Variants in FBXO15 observed in about 807,000 individuals in gnomAD.
FBXO15 encodes the protein F-box protein 15.
In FBXO15, 30 loss-of-function variants were observed where a neutral mutation model predicts 49.5. That is an observed-to-expected ratio of 0.61 (90% CI 0.45 to 0.82). FBXO15 has a LOEUF of 0.82. FBXO15 is among the 40% of genes least tolerant of loss of function. The pLI is 0.00. For missense variants in FBXO15, 591 were observed against 631.5 expected (o/e 0.94, Z 0.69); for synonymous variants, 250 against 232.7 (o/e 1.07, Z -0.68).
intron 8 of FBXO15, 62 bp from the exon 9 acceptor site, chr18:74,082,113 G>T (rs763579136): frequency 1.3e-6 from 2 of 1,573,926 alleles, no homozygotes; most frequent in Non-Finnish European, 1.7e-6. Flanking sequence ...AACCAAGCAC[G>T]TTCAGTCGGC....
intron 8 of FBXO15, among the ~76,000 whole-genome samples, chr18:74,101,273 G>T (rs972828043): frequency 9.9e-5 from 15 of 152,092 alleles, no homozygotes; most frequent in African/African-American, 3.4e-4. Context: ...CAATAAATGT[G>T]ATACACCACA....
rs750967947 is a variant in FBXO15 at position 74,130,424 on chromosome 18, C to A, written c.567G>T (p.Glu189Asp). ...PYTGLPVKTK[E>D]ALRIFGLGWA... ...TGGAACACACTGCGTACCTGAGGGC[C>A]TCTTTGGTCTTAACTGGAAGGCCTG... Residue 189 changes from glutamate to aspartate, a missense_variant, in exon 4 of 10, where the codon GAG becomes GAT. Physicochemically the swap from Glu to Asp is conservative, Grantham distance 45 (BLOSUM62 2). Coordinates refer to ENST00000419743, the MANE Select transcript of FBXO15 (RefSeq NM_001142958.2). 75 of 1,613,970 alleles carry A rather than the reference C, an allele frequency of 4.6e-5. 2 individuals are homozygous for A. In the South Asian group the frequency reaches 7.2e-4, roughly 16 times the overall value.
At chr18:74,084,151 C>A (rs1318567535) in intron 8 of FBXO15, among the ~76,000 whole-genome samples, 1 of 152,180 alleles carries the variant, frequency 6.6e-6, no homozygotes, top group Non-Finnish European at 1.5e-5. Flanking sequence ...GATTCAGATT[C>A]TCATGTTTGT....
rs956246117 is a variant in FBXO15, at chr18:74,135,616, T to C, written c.332+146A>G. ...TAAATGCAAATATTTGAAAATTTCA[T>C]AGTTAAAGCATTTGACATTTCCACT... On this transcript the variant is annotated intron_variant, in intron 3 of 9. Coordinates refer to ENST00000419743, the MANE Select transcript of FBXO15 (RefSeq NM_001142958.2). 7.9e-6 allele frequency: 5 copies of C among 634,410 alleles called. No homozygotes were observed. In the Admixed American group the frequency reaches 1.0e-4, roughly 13 times the overall value. The allele number at this position is 634,410 out of a possible 1,614,324, so 39.3% of individuals were successfully genotyped here.
chr18:74,125,859 G>T, intron 6 of FBXO15, 116 bp downstream of exon 6: 2 of 1,375,666 alleles, frequency 1.5e-6, no homozygotes, highest in East Asian at 2.4e-5. Flanking sequence ...TGGTAAAATG[G>T]ATTGCAGTTA....
intron 8 of FBXO15, among the ~76,000 whole-genome samples, chr18:74,109,779 C>T (rs139113765): frequency 6.0e-4 from 90 of 150,920 alleles, no homozygotes; most frequent in African/African-American, 2.1e-3. Context: ...AGTTGAACAA[C>T]GAGAACACAT....
At chr18:74,111,686 T>A (rs188697723) in intron 8 of FBXO15, among the ~76,000 whole-genome samples, 3 of 151,762 alleles carry the variant, frequency 2.0e-5, no homozygotes, top group Admixed American at 6.6e-5. Flanking sequence ...ATAATAAAAA[T>A]TAAAGCAATA....
intron 5 of FBXO15, among the ~76,000 whole-genome samples, chr18:74,127,347 C>T (rs1437382649): frequency 1.3e-5 from 2 of 152,212 alleles, no homozygotes; most frequent in East Asian, 1.9e-4. Flanking sequence ...GCTGACGTTT[C>T]CCCAGCAGTT....
chr18:74,079,131 A>T (rs2145100050), intron 9 of FBXO15, among the ~76,000 whole-genome samples: 1 of 152,360 alleles, frequency 6.6e-6, no homozygotes, highest in Non-Finnish European at 1.5e-5. Context: ...AAGTAACATT[A>T]AAATAACATC....
chr18:74,086,199 T>A (rs1410231977), intron 8 of FBXO15, among the ~76,000 whole-genome samples: 1 of 152,010 alleles, frequency 6.6e-6, no homozygotes, highest in East Asian at 1.9e-4. Context: ...GAACGAAAAG[T>A]CACCTATTTT....
chr18:74,102,457 G>T (rs959269721), intron 8 of FBXO15, among the ~76,000 whole-genome samples: 1 of 152,058 alleles, frequency 6.6e-6, no homozygotes, highest in East Asian at 1.9e-4. Context: ...AAACATAACA[G>T]ATGCTGGCAT....
intron 8 of FBXO15, among the ~76,000 whole-genome samples, chr18:74,088,265 G>A (rs111880439): frequency 0.039 from 6,002 of 152,212 alleles, 389 homozygotes; most frequent in African/African-American, 0.13. Flanking sequence ...TCTTCATCAT[G>A]AAATCTTTGC....
intron 8 of FBXO15, among the ~76,000 whole-genome samples, chr18:74,101,089 A>G (rs1913496710): frequency 6.6e-6 from 1 of 152,098 alleles, no homozygotes; most frequent in African/African-American, 2.4e-5. Context: ...TAAAACCAGG[A>G]TAGGACATAA....
chr18:74,113,701 T>C (rs1914122739), intron 8 of FBXO15, among the ~76,000 whole-genome samples: 1 of 152,250 alleles, frequency 6.6e-6, no homozygotes, highest in African/African-American at 2.4e-5. Flanking sequence ...CTCTCAATAC[T>C]GATAAAAATA....
intron 9 of FBXO15, among the ~76,000 whole-genome samples, chr18:74,080,904 T>C (rs1912464951): frequency 6.6e-6 from 1 of 152,242 alleles, no homozygotes; most frequent in South Asian, 2.1e-4. Context: ...CACATTCACA[T>C]TCTGCCTTTC....
At chr18:74,106,484 C>T (rs554263571) in intron 8 of FBXO15, among the ~76,000 whole-genome samples, 209 of 152,066 alleles carry the variant, frequency 1.4e-3, no homozygotes, top group African/African-American at 4.9e-3. Flanking sequence ...TGATAATGAA[C>T]AACAATAACA....
At chr18:74,131,917 C>T (rs1444151385) in intron 3 of FBXO15, among the ~76,000 whole-genome samples, 3 of 152,118 alleles carry the variant, frequency 2.0e-5, no homozygotes, top group African/African-American at 7.2e-5. Flanking sequence ...ATTTCCTTAA[C>T]CACAGCAGAA....
chr18:74,118,647 T>C (rs1400460514), intron 8 of FBXO15, among the ~76,000 whole-genome samples: 1 of 152,180 alleles, frequency 6.6e-6, no homozygotes, highest in African/African-American at 2.4e-5. Context: ...AATTAGTGTC[T>C]TGGAAGCAAT....
At chr18:74,145,593 A>AGTTTTTTTTTT (rs1568186088) in intron 1 of FBXO15, among the ~76,000 whole-genome samples, 4 of 108,126 alleles carry the variant, frequency 3.7e-5, no homozygotes, top group African/African-American at 1.8e-4. Context: ...AACCAACTGC[A>AGTTTTTTTTTT]CTTTTTTTTT....
Sources: gnomAD v4.1 joint callset for allele counts (sites outside exome capture counted in the v4.1 genomes callset) on GRCh38, gnomAD v4.1.1 for gene constraint, MANE v1.5 for transcripts, NCBI Gene and HGNC (gene_info 2026-07-23, HGNC 2026-07-21) for gene names.